TBXA2R: variants seen among roughly 807,000 people sequenced by gnomAD.
TBXA2R encodes the protein thromboxane A2 receptor, also known as prostanoid TP receptor.
Under a neutral mutation model 15.6 loss-of-function variants are expected in TBXA2R, and 15 were observed. The observed-to-expected ratio is 0.96, with a 90% CI of 0.64 to 1.48. The LOEUF (loss-of-function observed/expected upper bound fraction) is 1.48, where lower values mean the gene tolerates loss of function less well. Among genes scored for constraint, TBXA2R ranks in the 40% most tolerant of loss-of-function variants. The pLI, the probability that TBXA2R is intolerant of heterozygous loss-of-function variation, is 0.00. For synonymous variants in TBXA2R, 280 were observed against 241.2 expected, an observed-to-expected ratio of 1.16 and a Z score of -1.49; for missense variants, 506 against 491.4, an observed-to-expected ratio of 1.03 and a Z score of -0.28.
rs199924767 is a variant in TBXA2R at position 3,600,568 on chromosome 19, G to A, written c.67C>T (p.Arg23Trp). ...RPTNITLEER[R>W]LIASPWFAAS... The stretch of plus-strand genomic sequence containing the variant: ...GCGAACCAGGGCGAGGCGATCAGCC[G>A]TCTCTCCTCCAGGGTAATGTTTGTG... The change falls in exon 2 of 3, where the codon CGG (arginine) becomes TGG (tryptophan). Residue 23 changes from arginine to tryptophan, a missense_variant. Transcript: ENST00000375190. 6 of 1,612,044 alleles carry A rather than the reference G, an allele frequency of 3.7e-6. No individual in the cohort carries two copies. The highest frequency in any genetic ancestry group is 1.6e-4 in the Middle Eastern group (1 of 6,080).
In TBXA2R at chr19:3,594,924, A is replaced by G. The variant is rs2032564503; in HGVS notation, c.*764T>C. 1 of 1,536,508 alleles carries G rather than the reference A, an allele frequency of 6.5e-7. No homozygotes were observed. The highest frequency in any genetic ancestry group is 8.7e-7 in the Non-Finnish European group (1 of 1,146,872). ...AAGTAGGTCAAATTCAGGGTCAAAG[A>G]GCATGCAAGGCCGGGCGCAGTGGCT... On this transcript the variant is annotated 3_prime_UTR_variant, in exon 3 of 3. Transcript: ENST00000375190.
chr19:3,601,055 T>C (rs1161377073), intron 1 of TBXA2R, among the ~76,000 whole-genome samples: 1 of 151,092 alleles, frequency 6.6e-6, no homozygotes, highest in Admixed American at 6.6e-5. Context: ...TGCCCGGCCT[T>C]TTCCTCCATT....
chr19:3,598,355 T>C lies in TBXA2R; in HGVS notation c.786+1494A>G, dbSNP rs950596808. On this transcript the variant is annotated intron_variant, in intron 2 of 2. Coordinates refer to ENST00000375190, the MANE Select transcript of TBXA2R (RefSeq NM_001060.6). Reference sequence around the variant, plus strand: ...TTCTTTCTTTCTTTTCTTTTCTTTTTTTTTTTTTTTTTTGAGACAGAGTCT... The same window carrying C: ...TTCTTTCTTTCTTTTCTTTTCTTTTCTTTTTTTTTTTTTGAGACAGAGTCT... Among the ~76,000 whole-genome samples, 1,068 of 139,016 alleles carry C rather than the reference T, an allele frequency of 7.7e-3. 29 individuals carry two copies. The highest frequency in any genetic ancestry group is 0.061 in the Admixed American group (857 of 13,962). 91.2% of individuals were successfully genotyped at this position (139,016 alleles called of 152,430 possible). A position where few individuals can be genotyped will look rare whatever the true frequency, so the allele number is the denominator to read the frequency against.
chr19:3,604,506 C>T (rs1473619681), intron 1 of TBXA2R, among the ~76,000 whole-genome samples: 1 of 152,114 alleles, frequency 6.6e-6, no homozygotes, highest in Non-Finnish European at 1.5e-5. Flanking sequence ...GAGCACGTCA[C>T]CTCATCATCC....
At position 3,595,016 on chromosome 19, in the gene TBXA2R, G is replaced by C. The variant is rs1415922046; in HGVS notation, c.*672C>G. 4.4e-6 allele frequency: 6 copies of C among 1,377,586 alleles called. No homozygotes were observed. Among genetic ancestry groups the C allele is most frequent in the South Asian group, 1.2e-5 (1 of 80,844 alleles). 85.3% of individuals were successfully genotyped at this position (1,377,586 alleles called of 1,614,324 possible). On this transcript the variant is annotated 3_prime_UTR_variant, in exon 3 of 3. Transcript: ENST00000375190. ...AATCGCTTGAACCCGGGAGGCGGAG[G>C]TTGCAGTGAGCCGAGATCGTGCCAC... is the stretch of plus-strand genomic sequence containing the variant.
At chr19:3,596,634 A>G (rs1653313447) in intron 2 of TBXA2R, among the ~76,000 whole-genome samples, 1 of 131,730 alleles carries the variant, frequency 7.6e-6, no homozygotes, top group African/African-American at 2.9e-5. Context: ...TAAATAAATA[A>G]ATACCTTTTT....
At chr19:3,598,595 G>C (rs919812672) in intron 2 of TBXA2R, among the ~76,000 whole-genome samples, 1 of 151,800 alleles carries the variant, frequency 6.6e-6, no homozygotes, top group East Asian at 1.9e-4. Context: ...CAGGTGATCC[G>C]CCTGTCTCGG....
Position 3,602,876 on chromosome 19 carries a change from A to T in TBXA2R, c.-83-2159T>A, listed in dbSNP as rs573049756. 3.9e-5 allele frequency among the ~76,000 whole-genome samples: 6 copies of T among 151,970 alleles called. No homozygotes were observed. The East Asian group carries it at 1.2e-3, about 29-fold the overall frequency. ...ACGGTGAAACCCCGTCTCTACTAAA[A>T]ATACAAAAAATTAGCCAGGCGTGGT... On this transcript the variant is annotated intron_variant, in intron 1 of 2. Coordinates refer to ENST00000375190, the MANE Select transcript of TBXA2R (RefSeq NM_001060.6).
At chr19:3,600,770 T>C in intron 1 of TBXA2R, 53 bp from the exon 2 acceptor site, 3 of 972,506 alleles carry the variant, frequency 3.1e-6, no homozygotes, top group South Asian at 1.5e-5. Flanking sequence ...TCAGTGTAAG[T>C]AGCTCTGGTG....
intron 1 of TBXA2R, among the ~76,000 whole-genome samples, chr19:3,603,314 C>T (rs2032773476): frequency 6.6e-6 from 1 of 152,232 alleles, no homozygotes; most frequent in African/African-American, 2.4e-5. Context: ...GAACTCCCTT[C>T]CTGGGAAGAC....
At chr19:3,602,609 G>T (rs991383129) in intron 1 of TBXA2R, among the ~76,000 whole-genome samples, 2 of 151,888 alleles carry the variant, frequency 1.3e-5, no homozygotes, top group Non-Finnish European at 2.9e-5. Flanking sequence ...GTGTGGTGGT[G>T]CATACCTGTA....
intron 1 of TBXA2R, among the ~76,000 whole-genome samples, chr19:3,601,321 G>A (rs11878903): frequency 0.014 from 2,109 of 151,478 alleles, 51 homozygotes; most frequent in African/African-American, 0.047. Flanking sequence ...TTGAGGTCAG[G>A]AGTTCAAGAC....
intron 1 of TBXA2R, among the ~76,000 whole-genome samples, chr19:3,603,787 C>A (rs934948011): frequency 1.3e-5 from 2 of 152,200 alleles, no homozygotes; most frequent in Non-Finnish European, 2.9e-5. Context: ...CCAATCCCCC[C>A]ACCTCCACTC....
At chr19:3,605,375 A>AACACAGCAGAC (rs2032810417) in intron 1 of TBXA2R, among the ~76,000 whole-genome samples, 1 of 152,222 alleles carries the variant, frequency 6.6e-6, no homozygotes, top group African/African-American at 2.4e-5. Flanking sequence ...CACAGGCAGA[A>AACACAGCAGAC]ACACAGCAGA....
At chr19:3,602,869 T>C (rs984031657) in intron 1 of TBXA2R, among the ~76,000 whole-genome samples, 4 of 150,716 alleles carry the variant, frequency 2.7e-5, no homozygotes, top group African/African-American at 9.8e-5. Flanking sequence ...ACCCCGTCTC[T>C]ACTAAAAATA....
At position 3,594,796 on chromosome 19, in the gene TBXA2R, G is replaced by A. The variant is rs748909775; in HGVS notation, c.*892C>T. 9 of 1,494,400 alleles carry A rather than the reference G, an allele frequency of 6.0e-6. No individual in the cohort carries two copies. The highest frequency in any genetic ancestry group is 4.1e-5 in the Admixed American group (2 of 49,224). The allele number at this position is 1,494,400 out of a possible 1,614,324, so 92.6% of individuals were successfully genotyped here. On this transcript the variant is annotated 3_prime_UTR_variant, in exon 3 of 3. Coordinates refer to ENST00000375190, the MANE Select transcript of TBXA2R (RefSeq NM_001060.6). ...AAAGGAAAATAAAACCAAAGGCAGA[G>A]ATATATTTTGGCAAGAAAAGGGGGT... is the stretch of plus-strand genomic sequence containing the variant.
chr19:3,595,373 C>T lies in TBXA2R; in HGVS notation c.*315G>A, dbSNP rs183433108. On this transcript the variant is annotated 3_prime_UTR_variant, in exon 3 of 3. Coordinates refer to ENST00000375190, the MANE Select transcript of TBXA2R (RefSeq NM_001060.6). ...CAGCCTGGGGGACAGAGCAAGACTC[C>T]GTCTAAAAAAAAAAATAGCAATGCA... 2.9e-4 allele frequency: 398 copies of T among 1,372,558 alleles called. 2 individuals carry two copies. The East Asian group carries it at 8.6e-3, about 30-fold the overall frequency. 85.0% of individuals were successfully genotyped at this position (1,372,558 alleles called of 1,614,324 possible). A position where few individuals can be genotyped will look rare whatever the true frequency, so the allele number is the denominator to read the frequency against.
chr19:3,594,719 C>T lies in TBXA2R; in HGVS notation c.*969G>A. The T allele has an allele frequency of 1.1e-6, 1 of 873,090 alleles. No individual in the cohort carries two copies. Among genetic ancestry groups the T allele is most frequent in the Non-Finnish European group, 1.7e-6 (1 of 584,156 alleles). 54.1% of individuals were successfully genotyped at this position (873,090 alleles called of 1,614,324 possible). On this transcript the variant is annotated 3_prime_UTR_variant, in exon 3 of 3. Transcript: ENST00000375190. The stretch of plus-strand genomic sequence containing the variant: ...TCCTTCCCAGCCCTGCCCTCGTCTG[C>T]TCCGGGTGAGGCCCAATGCACAAAC...
chr19:3,604,483 C>T (rs1324181108), intron 1 of TBXA2R, among the ~76,000 whole-genome samples: 1 of 152,238 alleles, frequency 6.6e-6, no homozygotes, highest in South Asian at 2.1e-4. Context: ...CGTGCCCCCT[C>T]CCCCACTCCC....
Sources: gnomAD v4.1 joint callset for allele counts (sites outside exome capture counted in the v4.1 genomes callset) on GRCh38, gnomAD v4.1.1 for gene constraint, MANE v1.5 for transcripts, NCBI Gene and HGNC (gene_info 2026-07-23, HGNC 2026-07-21) for gene names.